Variants in ABCC10 observed in about 807,000 individuals in gnomAD.
ABCC10 encodes ATP binding cassette subfamily C member 10.
A neutral mutation model predicts 143.2 loss-of-function variants in ABCC10; 110 were observed. The ratio of observed to expected loss-of-function variants is 0.77; its 90% confidence interval spans 0.66 to 0.90. The LOEUF (loss-of-function observed/expected upper bound fraction) is 0.90, where lower values mean the gene tolerates loss of function less well. Ranked by LOEUF, ABCC10 falls within the 40% of genes least tolerant of loss-of-function variation. The probability of loss-of-function intolerance (pLI) is 0.00; values close to 1 mark genes in which losing one functional copy is unlikely to be tolerated. For missense variants in ABCC10, 1,700 were observed against 1,900.5 expected (o/e 0.89, Z 1.96); for synonymous variants, 805 against 846.7 (o/e 0.95, Z 0.85).
intron 8 of ABCC10, among the ~76,000 whole-genome samples, chr6:43,441,590 A>C (rs1307308993): frequency 6.6e-6 from 1 of 152,256 alleles, no homozygotes. Context: ...CTTTGGTTGC[A>C]CCTGAGAAAA....
chr6:43,442,447 T>C (rs2127401909), intron 9 of ABCC10, among the ~76,000 whole-genome samples: 1 of 152,266 alleles, frequency 6.6e-6, no homozygotes, highest in African/African-American at 2.4e-5. Context: ...GGCACATGCC[T>C]GTAATTCCAG....
chr6:43,434,692 A>G lies in ABCC10; in HGVS notation c.1452A>G (p.Arg484=). The change falls in exon 4 of 22, where the codon CGA becomes CGG. Residue 484 remains arginine (R), a synonymous_variant. Transcript: ENST00000372530. ...GGTGGGAGCAGGCACTGGGAGCCCG[A>G]GTAGAGGCCTGCCGGGCTCGAGAGC... ...FCGWEQALGA[R]VEACRARELG... 1 of 1,614,132 alleles carries G rather than the reference A, an allele frequency of 6.2e-7. No homozygotes were observed. The highest frequency in any genetic ancestry group is 8.5e-7 in the Non-Finnish European group (1 of 1,180,018).
chr6:43,448,047 C>G, intron 18 of ABCC10, 110 bp downstream of exon 18: 1 of 1,513,510 alleles, frequency 6.6e-7, no homozygotes, highest in East Asian at 2.3e-5. Flanking sequence ...CAGGGCTGAT[C>G]AGGGGGCTGA....
intron 3 of ABCC10, 134 bp downstream of exon 3, chr6:43,433,494 C>T (rs1378549417): frequency 1.9e-5 from 26 of 1,400,786 alleles, no homozygotes; most frequent in South Asian, 1.1e-4. Flanking sequence ...GAAAGGTAGA[C>T]CTGGGTTCAA....
intron 8 of ABCC10, among the ~76,000 whole-genome samples, 164 bp downstream of exon 8, chr6:43,438,959 C>T (rs1365479334): frequency 1.3e-5 from 2 of 152,144 alleles, no homozygotes; most frequent in Non-Finnish European, 1.5e-5. Context: ...CCAGCTGCCC[C>T]TTCTGATAGG....
At chr6:43,442,842 C>T (rs1281205101) in intron 9 of ABCC10, 128 bp from the exon 10 acceptor site, 8 of 820,746 alleles carry the variant, frequency 9.7e-6, no homozygotes, top group Non-Finnish European at 1.1e-5. Context: ...CCTCAGGTCT[C>T]ACCTCCTTCT....
chr6:43,436,843 G>A (rs1411509807), intron 6 of ABCC10, among the ~76,000 whole-genome samples: 1 of 152,088 alleles, frequency 6.6e-6, no homozygotes, highest in African/African-American at 2.4e-5. Flanking sequence ...ACCACATTTG[G>A]CTCACGTTTC....
chr6:43,445,269 A>G lies in ABCC10; in HGVS notation c.2985A>G (p.Gln995=). ...TGCTCTTTGCAGCAGGCACCCTTCA[A>G]GCAGCTGCCACTCTGCATCGCCGCC... ...RAVLFAAGTL[Q]AAATLHRRLL... is the part of the protein sequence containing the mutation. Residue 995 remains glutamine (Q), a synonymous_variant, in exon 14 of 22, where the codon CAA becomes CAG. Transcript: ENST00000372530. 6.2e-7 allele frequency: 1 copy of G among 1,612,762 alleles called. No individual in the cohort carries two copies. The highest frequency in any genetic ancestry group is 8.5e-7 in the Non-Finnish European group (1 of 1,179,632).
chr6:43,445,353 C>T (rs377353769), intron 14 of ABCC10, 39 bp downstream of exon 14: 98 of 1,585,794 alleles, frequency 6.2e-5, no homozygotes, highest in Non-Finnish European at 1.8e-5. Context: ...GAGTGCAGTC[C>T]TAGCCCCTGT....
intron 8 of ABCC10, among the ~76,000 whole-genome samples, chr6:43,441,295 G>A (rs1218325834): frequency 1.3e-5 from 2 of 151,618 alleles, no homozygotes; most frequent in African/African-American, 4.9e-5. Flanking sequence ...GGCTAACATG[G>A]TGAAACCCCG....
At chr6:43,451,835 G>C (rs1783760829), downstream of ABCC10, 10 of 1,501,266 alleles carry the variant, frequency 6.7e-6, no homozygotes, top group Non-Finnish European at 8.9e-6. This position sits in a 1 kb window ranked among gnomAD's most constrained non-coding sequence, Gnocchi z 4.4. Context: ...CCCCGTGTGG[G>C]TCTGACTCTC....
intron 8 of ABCC10, among the ~76,000 whole-genome samples, chr6:43,441,491 A>G (rs1782468879): frequency 6.6e-6 from 1 of 151,704 alleles, no homozygotes; most frequent in Non-Finnish European, 1.5e-5. Flanking sequence ...AAAAAAGGGT[A>G]GTAAATGTAA....
chr6:43,438,226 A>C, intron 7 of ABCC10: 1 of 940,706 alleles, frequency 1.1e-6, no homozygotes, highest in African/African-American at 1.7e-5. Flanking sequence ...ATGCTATAAT[A>C]GTCAGCAAAG....
rs1562170539 is a variant in ABCC10 at position 43,432,869 on chromosome 6, ATGTTGGGATTCTCAGGGCCCC to A, written c.895_915del (p.Gly299_Leu305del). 3.1e-6 allele frequency: 5 copies of A among 1,614,136 alleles called. No individual in the cohort carries two copies. In the Admixed American group the frequency reaches 5.0e-5, roughly 16 times the overall value. ...TGGACTGCTGAAGCTGGTGGGGACC[ATGTTGGGATTCTCAGGGCCCC>A]TGTTGCTCTCCCTACTGGTGGGCTT... is the stretch of plus-strand genomic sequence containing the variant. On this transcript the variant is annotated inframe_deletion, in exon 3 of 22. Coordinates refer to ENST00000372530, the MANE Select transcript of ABCC10 (RefSeq NM_001198934.2).
chr6:43,447,349 G>T lies in ABCC10; in HGVS notation c.3646G>T (p.Glu1216Ter). The T allele has an allele frequency of 6.2e-7, 1 of 1,613,210 alleles. No homozygotes were observed. The change falls in exon 17 of 22, where the codon GAG becomes TAG. Residue 1216 changes from glutamate to a stop codon, truncating the protein, a stop_gained. Transcript: ENST00000372530. LOFTEE classifies it high-confidence loss of function. The part of the protein sequence containing the change: ...TQTEAMLVSV[E>*]RLEEYTCDLP... ...GACAGAGGCCATGCTGGTGAGCGTC[G>T]AGCGGCTGGAAGAGTACACCTGTGA...
chr6:43,435,976 G>A (rs556959076), intron 5 of ABCC10, 69 bp downstream of exon 5: 711 of 1,605,392 alleles, frequency 4.4e-4, no homozygotes, highest in Non-Finnish European at 5.7e-4. Context: ...TGGGTGCTGC[G>A]CATAGATGTC....
rs192813114 is a variant in ABCC10, at chr6:43,447,039, G to C, written c.3545-209G>C. 265 of 744,896 alleles carry C rather than the reference G, an allele frequency of 3.6e-4. 1 individual carries two copies. The highest frequency in any genetic ancestry group is 3.8e-4 in the Middle Eastern group (1 of 2,662). The allele number at this position is 744,896 out of a possible 1,614,324, so 46.1% of individuals were successfully genotyped here. ...ATTTTTGTATTTTTAGTAGAGACAG[G>C]GTTTCACCATGTTGGCCAGGCTGGT... On this transcript the variant is annotated intron_variant, in intron 16 of 21. Coordinates refer to ENST00000372530, the MANE Select transcript of ABCC10 (RefSeq NM_001198934.2).
chr6:43,432,937 A>C lies in ABCC10; in HGVS notation c.957A>C (p.Pro319=), dbSNP rs200276315. The part of the protein sequence containing the change: ...LVGFLEEGQE[P]LSHGLLYALG... The stretch of plus-strand genomic sequence containing the variant: ...GCTTCCTGGAAGAGGGGCAGGAGCC[A>C]CTAAGCCACGGCCTGCTCTATGCTC... Residue 319 remains proline (P), a synonymous_variant, in exon 3 of 22, where the codon CCA becomes CCC. Coordinates refer to ENST00000372530, the MANE Select transcript of ABCC10 (RefSeq NM_001198934.2). The C allele has an allele frequency of 3.7e-6, 6 of 1,614,054 alleles. No individual in the cohort carries two copies. The highest frequency in any genetic ancestry group is 5.1e-6 in the Non-Finnish European group (6 of 1,180,024).
chr6:43,440,478 ATTG>A (rs1202824514), intron 8 of ABCC10, among the ~76,000 whole-genome samples: 2 of 151,650 alleles, frequency 1.3e-5, no homozygotes, highest in African/African-American at 4.8e-5. Context: ...GCAATGAATG[ATTG>A]GCCAGGCGTG....
Sources: allele counts gnomAD v4.1 joint callset (sites outside exome capture counted in the v4.1 genomes callset), GRCh38; gene constraint gnomAD v4.1.1; non-coding constraint Gnocchi (gnomAD v3.1); transcripts MANE v1.5; gene names NCBI Gene and HGNC (gene_info 2026-07-23, HGNC 2026-07-21).